The following ZHX2 variants were observed in gnomAD, a reference collection of about 807,000 sequenced individuals.
ZHX2 encodes zinc fingers and homeoboxes protein 2.
ZHX2 carries 6 observed loss-of-function variants against 21.9 expected under a neutral mutation model. That is an observed-to-expected ratio of 0.27 (90% CI 0.15 to 0.54). ZHX2 has a LOEUF of 0.54. ZHX2 is among the 20% of genes least tolerant of loss of function. The probability of loss-of-function intolerance (pLI) is 0.95; values close to 1 mark genes in which losing one functional copy is unlikely to be tolerated. For synonymous variants in ZHX2, 434 were observed against 437.1 expected, an observed-to-expected ratio of 0.99 and a Z score of 0.09; for missense variants, 908 against 1,090.7, an observed-to-expected ratio of 0.83 and a Z score of 2.36.
At chr8:122,835,048 T>C (rs1297658756) in intron 1 of ZHX2, among the ~76,000 whole-genome samples, 1 of 152,136 alleles carries the variant, frequency 6.6e-6, no homozygotes, top group East Asian at 1.9e-4. Flanking sequence ...CTTGGTCTTC[T>C]GGGGTGAGGG....
intron 1 of ZHX2, among the ~76,000 whole-genome samples, chr8:122,799,620 A>G (rs902010601): frequency 1.3e-5 from 2 of 152,194 alleles, no homozygotes; most frequent in African/African-American, 2.4e-5. Flanking sequence ...TCTCCATGGC[A>G]TAGAGGACTT....
intron 2 of ZHX2, among the ~76,000 whole-genome samples, chr8:122,921,979 T>C (rs1375944842): frequency 6.6e-6 from 1 of 152,062 alleles, no homozygotes; most frequent in Non-Finnish European, 1.5e-5. Context: ...GAAGAACAAA[T>C]GATAGGCTGG....
At chr8:122,913,759 G>A (rs1339056024) in intron 2 of ZHX2, among the ~76,000 whole-genome samples, 3 of 152,214 alleles carry the variant, frequency 2.0e-5, no homozygotes, top group Non-Finnish European at 4.4e-5. Flanking sequence ...CAGAGCACAT[G>A]TTTCACGTTA....
intron 1 of ZHX2, among the ~76,000 whole-genome samples, chr8:122,810,846 G>A (rs1817914178): frequency 6.6e-6 from 1 of 151,956 alleles, no homozygotes; most frequent in African/African-American, 2.4e-5. Flanking sequence ...CATTGTGCAG[G>A]TTAGTTACAT....
intron 1 of ZHX2, among the ~76,000 whole-genome samples, chr8:122,833,858 G>C (rs1290270359): frequency 6.6e-6 from 1 of 152,094 alleles, no homozygotes; most frequent in Non-Finnish European, 1.5e-5. Context: ...TTAGCCGGGC[G>C]TGGTGGTGGG....
At position 122,792,575 on chromosome 8, in the gene ZHX2, TTTATGTTCCCA is replaced by T. The variant is rs1169561871; in HGVS notation, c.-283+10631_-283+10641del. Among the ~76,000 whole-genome samples, 17 of 152,342 alleles carry T rather than the reference TTTATGTTCCCA, an allele frequency of 1.1e-4. No individual in the cohort carries two copies. In the South Asian group the frequency reaches 2.3e-3, roughly 20 times the overall value. On this transcript the variant is annotated intron_variant, in intron 1 of 3. Transcript: ENST00000314393. ...AGTTCCCCAAAGTGGATGCATCATT[TTTATGTTCCCA>T]TCAGCAGAGTATGAGAGAGTTCTGA...
chr8:122,967,622 C>T (rs1189127201), intron 3 of ZHX2, among the ~76,000 whole-genome samples: 1 of 152,238 alleles, frequency 6.6e-6, no homozygotes, highest in East Asian at 1.9e-4. Context: ...TTCTCAAATG[C>T]TGGTTACACC....
intron 2 of ZHX2, among the ~76,000 whole-genome samples, chr8:122,879,794 T>G (rs2129773175): frequency 6.6e-6 from 1 of 152,224 alleles, no homozygotes; most frequent in African/African-American, 2.4e-5. Flanking sequence ...ACATGTGGCC[T>G]TGGATATATC....
intron 2 of ZHX2, among the ~76,000 whole-genome samples, chr8:122,897,538 G>A (rs1232134926): frequency 6.6e-6 from 1 of 152,048 alleles, no homozygotes; most frequent in Non-Finnish European, 1.5e-5. Flanking sequence ...TGTTTTGTCT[G>A]TTTATCTTCT....
At chr8:122,914,640 A>C (rs936925728) in intron 2 of ZHX2, among the ~76,000 whole-genome samples, 1 of 152,198 alleles carries the variant, frequency 6.6e-6, no homozygotes, top group African/African-American at 2.4e-5. Flanking sequence ...AAAACTCGCA[A>C]CCAATTTTCT....
Position 122,955,078 on chromosome 8 carries a change from G to C in ZHX2, c.*4+1050G>C, listed in dbSNP as rs540507736. The stretch of plus-strand genomic sequence containing the variant: ...GTAGAGTCACATAAGCCGGGGGGGG[G>C]GGGGTGGCAGGGCGGTTTCCATGGT... On this transcript the variant is annotated intron_variant, in intron 3 of 3. Coordinates refer to ENST00000314393, the MANE Select transcript of ZHX2 (RefSeq NM_014943.5). Among the ~76,000 whole-genome samples, 505 of 144,894 alleles carry C rather than the reference G, an allele frequency of 3.5e-3. 45 individuals carry two copies. The highest frequency in any genetic ancestry group is 5.6e-3 in the Non-Finnish European group (368 of 65,716).
chr8:122,842,444 G>A (rs952019112), intron 1 of ZHX2, among the ~76,000 whole-genome samples: 2 of 152,172 alleles, frequency 1.3e-5, no homozygotes, highest in Admixed American at 1.3e-4. Flanking sequence ...GGTGGCTCAC[G>A]CCTGTAATCC....
At chr8:122,962,702 C>A (rs1813485861) in intron 3 of ZHX2, among the ~76,000 whole-genome samples, 1 of 152,192 alleles carries the variant, frequency 6.6e-6, no homozygotes, top group Non-Finnish European at 1.5e-5. Context: ...ACTCTCCATA[C>A]TGTTTTTCAT....
intron 1 of ZHX2, among the ~76,000 whole-genome samples, chr8:122,805,330 G>T (rs116868494): frequency 0.025 from 3,787 of 152,280 alleles, 73 homozygotes; most frequent in Non-Finnish European, 0.039. Flanking sequence ...TCAGTCACTG[G>T]CCATGGGCTG....
chr8:122,935,943 G>A (rs1812677154), intron 2 of ZHX2, among the ~76,000 whole-genome samples: 1 of 152,120 alleles, frequency 6.6e-6, no homozygotes, highest in Non-Finnish European at 1.5e-5. Flanking sequence ...CCTCCTAGAT[G>A]GTAGACTCCT....
At chr8:122,874,534 C>T (rs560092266) in intron 2 of ZHX2, among the ~76,000 whole-genome samples, 2 of 152,168 alleles carry the variant, frequency 1.3e-5, no homozygotes, top group South Asian at 2.1e-4. Flanking sequence ...GGTTTCACCA[C>T]GATGGCCAGG....
chr8:122,862,134 C>G (rs551319079), intron 1 of ZHX2, among the ~76,000 whole-genome samples: 1 of 152,252 alleles, frequency 6.6e-6, no homozygotes, highest in African/African-American at 2.4e-5. Flanking sequence ...GTGCTCTGCC[C>G]GATACCCGAG....
chr8:122,944,574 C>G (rs1250406758), intron 2 of ZHX2, among the ~76,000 whole-genome samples: 3 of 152,180 alleles, frequency 2.0e-5, no homozygotes, highest in African/African-American at 7.2e-5. Context: ...TGGCCCCGCT[C>G]TACACTTTTA....
chr8:122,835,623 G>A (rs527839067), intron 1 of ZHX2, among the ~76,000 whole-genome samples: 1 of 152,258 alleles, frequency 6.6e-6, no homozygotes, highest in Non-Finnish European at 1.5e-5. Flanking sequence ...GAAGAGGTAA[G>A]GGCTGGGAGG....
Sources: gnomAD v4.1 joint callset for allele counts (sites outside exome capture counted in the v4.1 genomes callset) on GRCh38, gnomAD v4.1.1 for gene constraint, MANE v1.5 for transcripts, NCBI Gene and HGNC (gene_info 2026-07-23, HGNC 2026-07-21) for gene names.